The following STARD13 variants were observed in gnomAD, a reference collection of about 807,000 sequenced individuals.
The protein encoded by STARD13 is stAR-related lipid transfer protein 13.
Under a neutral mutation model 106.4 loss-of-function variants are expected in STARD13, and 62 were observed. The observed-to-expected ratio is 0.58, with a 90% CI of 0.48 to 0.72. The LOEUF is 0.72. Among genes scored for constraint, STARD13 ranks in the 30% least tolerant of loss-of-function variants. The probability of loss-of-function intolerance (pLI) is 0.00; values close to 1 mark genes in which losing one functional copy is unlikely to be tolerated. For synonymous variants in STARD13, 565 were observed against 553.0 expected, an observed-to-expected ratio of 1.02 and a Z score of -0.31; for missense variants, 1,387 against 1,424.0, an observed-to-expected ratio of 0.97 and a Z score of 0.42.
At chr13:33,499,192 G>T in the STARD13 span, among the ~76,000 whole-genome samples, 1 of 152,106 alleles carries the variant, frequency 6.6e-6, no homozygotes, top group Non-Finnish European at 1.5e-5. Context: ...AGCACAGAGT[G>T]AGCCTCAGAA....
At chr13:33,108,200 C>T (rs1219914883) in intron 12 of STARD13, among the ~76,000 whole-genome samples, 2 of 152,218 alleles carry the variant, frequency 1.3e-5, no homozygotes, top group Non-Finnish European at 2.9e-5. Context: ...TGAAAGGTGA[C>T]CAGCCTCATA....
At chr13:33,230,085 G>T (rs1377111331) in intron 1 of STARD13, among the ~76,000 whole-genome samples, 1 of 152,226 alleles carries the variant, frequency 6.6e-6, no homozygotes, top group African/African-American at 2.4e-5. Flanking sequence ...AAGCGAATTT[G>T]CAATTATTGG....
the STARD13 span, among the ~76,000 whole-genome samples, chr13:33,369,795 G>GA: frequency 1.3e-5 from 2 of 152,202 alleles, no homozygotes; most frequent in African/African-American, 2.4e-5. Context: ...TAATGGAATA[G>GA]AAAATCACCG....
downstream of STARD13, among the ~76,000 whole-genome samples, chr13:33,347,680 C>T (rs1445647494): frequency 6.6e-6 from 1 of 152,104 alleles, no homozygotes; most frequent in Non-Finnish European, 1.5e-5. Context: ...ACCATATAGC[C>T]TAGGTGTGTA....
intron 6 of STARD13, among the ~76,000 whole-genome samples, chr13:33,127,123 G>A (rs1240392348): frequency 2.0e-5 from 3 of 152,118 alleles, no homozygotes; most frequent in Admixed American, 2.0e-4. Context: ...CCCTTTACTT[G>A]TCTCTTTTTC....
At position 33,104,552 on chromosome 13, in the gene STARD13, T is replaced by C. The variant is rs1745764053; in HGVS notation, c.*1041A>G. The C allele has an allele frequency of 6.6e-6, 1 of 152,626 alleles. No individual in the cohort carries two copies. Among genetic ancestry groups the C allele is most frequent in the African/African-American group, 2.4e-5 (1 of 41,444 alleles). The allele number at this position is 152,626 out of a possible 1,614,324, so 9.5% of individuals were successfully genotyped here. On this transcript the variant is annotated 3_prime_UTR_variant, in exon 14 of 14. Coordinates refer to ENST00000336934, the MANE Select transcript of STARD13 (RefSeq NM_178006.4). Reference sequence around the variant, plus strand: ...TGAACGGAATGGCCATCATCTCCCTTTGTATGGTGTCTGGAGTTGAATTCA... The same window carrying C: ...TGAACGGAATGGCCATCATCTCCCTCTGTATGGTGTCTGGAGTTGAATTCA...
the STARD13 span, among the ~76,000 whole-genome samples, chr13:33,359,312 C>T: frequency 2.4e-3 from 363 of 152,100 alleles, 1 homozygote; most frequent in African/African-American, 7.7e-3. Context: ...AGACGCGCTG[C>T]CTTAAGAGCT....
At chr13:33,464,024 C>CATACATATATATATATATATAT in the STARD13 span, among the ~76,000 whole-genome samples, 1 of 112,540 alleles carries the variant, frequency 8.9e-6, no homozygotes, top group Non-Finnish European at 2.0e-5. Flanking sequence ...AAAAAAAATA[C>CATACATATATATATATATATAT]ATATATATAT....
the STARD13 span, among the ~76,000 whole-genome samples, chr13:33,624,684 G>A: frequency 0.12 from 18,417 of 152,196 alleles, 2,816 homozygotes; most frequent in African/African-American, 0.36. Context: ...CTATTCAACA[G>A]TGTCTGTTAA....
chr13:33,340,469 T>C (rs760864048), intron 1 of STARD13, among the ~76,000 whole-genome samples: 6 of 152,262 alleles, frequency 3.9e-5, no homozygotes, highest in Non-Finnish European at 8.8e-5. Flanking sequence ...GTTTCCATTT[T>C]ATCCAGATGC....
chr13:33,671,696 C>T, the STARD13 span, among the ~76,000 whole-genome samples: 1 of 152,062 alleles, frequency 6.6e-6, no homozygotes, highest in Non-Finnish European at 1.5e-5. Flanking sequence ...GGCCACTGCT[C>T]TTCAGCCTGG....
the STARD13 span, among the ~76,000 whole-genome samples, chr13:33,480,147 T>C: frequency 1.3e-5 from 2 of 152,216 alleles, no homozygotes; most frequent in Admixed American, 6.5e-5. Context: ...ATGCTATATA[T>C]AATTTTAAAA....
At chr13:33,655,567 G>A in the STARD13 span, among the ~76,000 whole-genome samples, 1 of 151,942 alleles carries the variant, frequency 6.6e-6, no homozygotes, top group African/African-American at 2.4e-5. Context: ...AATTCCCTTT[G>A]TATATATTTT....
the STARD13 span, among the ~76,000 whole-genome samples, chr13:33,537,776 A>G: frequency 6.6e-6 from 1 of 152,232 alleles, no homozygotes; most frequent in Non-Finnish European, 1.5e-5. Flanking sequence ...GTATTTTAAG[A>G]GTACCAAAGG....
the STARD13 span, among the ~76,000 whole-genome samples, chr13:33,385,850 C>CA: frequency 0.058 from 2,802 of 47,964 alleles, 91 homozygotes; most frequent in African/African-American, 0.16. Flanking sequence ...GACTCTGTCT[C>CA]AAAAAAAAAA....
intron 1 of STARD13, among the ~76,000 whole-genome samples, chr13:33,262,667 A>T (rs1209023587): frequency 7.7e-6 from 1 of 129,150 alleles, no homozygotes; most frequent in Non-Finnish European, 1.7e-5. Flanking sequence ...CACACAACAC[A>T]CACACACACA....
chr13:33,638,635 A>C, the STARD13 span, among the ~76,000 whole-genome samples: 4 of 152,214 alleles, frequency 2.6e-5, no homozygotes, highest in Non-Finnish European at 4.4e-5. Flanking sequence ...AGACTTAAAA[A>C]GTCTTTTCTA....
chr13:33,412,387 G>T, the STARD13 span, among the ~76,000 whole-genome samples: 2 of 151,850 alleles, frequency 1.3e-5, no homozygotes, highest in African/African-American at 4.8e-5. Context: ...ATATTTTCAA[G>T]TAACACACAA....
chr13:33,576,779 A>T, the STARD13 span, among the ~76,000 whole-genome samples: 3 of 152,228 alleles, frequency 2.0e-5, no homozygotes, highest in Admixed American at 2.0e-4. Context: ...ACAATATTTA[A>T]TTAGACATTT....
Sources: gnomAD v4.1 joint callset for allele counts (sites outside exome capture counted in the v4.1 genomes callset) on GRCh38, gnomAD v4.1.1 for gene constraint, MANE v1.5 for transcripts, NCBI Gene and HGNC (gene_info 2026-07-23, HGNC 2026-07-21) for gene names.